The following LMTK3 variants were observed in gnomAD, a reference collection of about 807,000 sequenced individuals.
LMTK3 encodes lemur tail kinase 3.
In LMTK3, 27 loss-of-function variants were observed where a neutral mutation model predicts 116.7. That is an observed-to-expected ratio of 0.23 (90% CI 0.17 to 0.32). The LOEUF is 0.32. Among genes scored for constraint, LMTK3 ranks in the 10% least tolerant of loss-of-function variants. LMTK3 has a pLI of 1.00. For synonymous variants in LMTK3, 965 were observed against 971.0 expected, an observed-to-expected ratio of 0.99 and a Z score of 0.11; for missense variants, 1,764 against 2,068.5, an observed-to-expected ratio of 0.85 and a Z score of 2.86.
chr19:48,504,933 C>T (rs1315861169), intron 5 of LMTK3, among the ~76,000 whole-genome samples: 1 of 151,952 alleles, frequency 6.6e-6, no homozygotes, highest in Non-Finnish European at 1.5e-5. Context: ...CCTGCTGTTC[C>T]TTCTGCCTGG....
chr19:48,496,316 T>C (rs1304016372), intron 11 of LMTK3, among the ~76,000 whole-genome samples: 1 of 148,900 alleles, frequency 6.7e-6, no homozygotes, highest in Admixed American at 6.7e-5. Flanking sequence ...TTTTTTTTTC[T>C]GAGACAGAGT....
At chr19:48,512,459 TC>T (rs1168729342), upstream of LMTK3, among the ~76,000 whole-genome samples, 3 of 151,948 alleles carry the variant, frequency 2.0e-5, no homozygotes, top group Admixed American at 1.3e-4. Context: ...ACACTCATAG[TC>T]ACAGCCACGC....
In LMTK3 at chr19:48,502,889, C is replaced by A; in HGVS notation, c.645+20G>T. 6.3e-7 allele frequency: 1 copy of A among 1,593,770 alleles called. No homozygotes were observed. Among genetic ancestry groups the A allele is most frequent in the Non-Finnish European group, 8.6e-7 (1 of 1,164,614 alleles). ...TCCAGCTGCCCCCTCTGCCCTTCCC[C>A]AACCCCCCAAGACCCTCACCAGTTG... is the stretch of plus-strand genomic sequence containing the variant. On this transcript the variant is annotated intron_variant, in intron 6 of 14. Transcript: ENST00000600059.
intron 14 of LMTK3, among the ~76,000 whole-genome samples, chr19:48,489,222 C>T (rs528272067): frequency 7.2e-5 from 11 of 152,240 alleles, no homozygotes; most frequent in Middle Eastern, 3.4e-3. Context: ...GGCGCCTGCA[C>T]GCAGAAGATG....
In LMTK3 at chr19:48,499,967, AAG is replaced by A. The variant is rs1213649432; in HGVS notation, c.1152-52_1152-51del. ...GCAGGGCAGAGACCCAGGGAGGGGA[AAG>A]AGACCCAGGGAGGGGACAGACAACC... On this transcript the variant is annotated intron_variant, in intron 10 of 14. Transcript: ENST00000600059. 3 of 1,508,708 alleles carry A rather than the reference AAG, an allele frequency of 2.0e-6. No homozygotes were observed. In the South Asian group the frequency reaches 3.9e-5, roughly 20 times the overall value. 93.5% of individuals were successfully genotyped at this position (1,508,708 alleles called of 1,614,324 possible).
chr19:48,497,255 G>T lies in LMTK3; in HGVS notation c.3676+138C>A. 2 of 955,292 alleles carry T rather than the reference G, an allele frequency of 2.1e-6. No individual in the cohort carries two copies. Among genetic ancestry groups the T allele is most frequent in the Non-Finnish European group, 2.8e-6 (2 of 716,378 alleles). 59.2% of individuals were successfully genotyped at this position (955,292 alleles called of 1,614,324 possible). ...GCTAGAGAGGGGGCTGAGCCACGAT[G>T]TGAGCCCAGGTGGTGCAGGCTTCAG... On this transcript the variant is annotated intron_variant, in intron 11 of 14. Coordinates refer to ENST00000600059, the MANE Select transcript of LMTK3 (RefSeq NM_001388485.1). The surrounding 1 kb of genome is among the most constrained non-coding windows in gnomAD (Gnocchi z 5.7).
At position 48,498,957 on chromosome 19, in the gene LMTK3, G is replaced by A. The variant is rs368551469; in HGVS notation, c.2112C>T (p.Pro704=). The part of the protein sequence containing the change: ...GHPALGCPHP[P]EDDSSLRAER... ...CTGCCCGCAGCGAGGAGTCGTCCTC[G>A]GGGGGGTGGGGGCAGCCAAGAGCAG... Residue 704 remains proline, a synonymous_variant, in exon 11 of 15, where the codon CCC becomes CCT. Coordinates refer to ENST00000600059, the MANE Select transcript of LMTK3 (RefSeq NM_001388485.1). 2,509 of 1,316,980 alleles carry A rather than the reference G, an allele frequency of 1.9e-3. 8 individuals are homozygous for A. Among genetic ancestry groups the A allele is most frequent in the Middle Eastern group, 5.9e-3 (21 of 3,586 alleles). 81.6% of individuals were successfully genotyped at this position (1,316,980 alleles called of 1,614,324 possible).
Position 48,502,498 on chromosome 19 carries a change from C to A in LMTK3, c.729G>T (p.Leu243=). ...GGGCGATCTCCAGGCCCATCCTCTG[C>A]AGCGTCCGCAGGTCTCGAGGGGGTA... The part of the protein sequence containing the change: ...PELPPRDLRT[L]QRMGLEIARG... Residue 243 remains leucine (L), a synonymous_variant, in exon 7 of 15, where the codon CTG becomes CTT. Coordinates refer to ENST00000600059, the MANE Select transcript of LMTK3 (RefSeq NM_001388485.1). The A allele has an allele frequency of 1.9e-6, 3 of 1,610,300 alleles. No homozygotes were observed. Among genetic ancestry groups the A allele is most frequent in the South Asian group, 1.1e-5 (1 of 90,916 alleles).
chr19:48,489,358 A>G (rs975418917), intron 14 of LMTK3, among the ~76,000 whole-genome samples: 2 of 152,138 alleles, frequency 1.3e-5, no homozygotes, highest in African/African-American at 4.8e-5. Context: ...AGATCGCCTG[A>G]GGTCTGGAGT....
chr19:48,485,960 G>A (rs972056732), intron 14 of LMTK3, among the ~76,000 whole-genome samples, 171 bp from the exon 15 acceptor site: 1 of 151,736 alleles, frequency 6.6e-6, no homozygotes, highest in East Asian at 1.9e-4. Context: ...CCAGCCACTG[G>A]GCCTCCTGCT....
chr19:48,486,376 T>C lies in LMTK3; in HGVS notation c.4367-587A>G, dbSNP rs1972125861. Reference sequence around the variant, plus strand: ...GCCCGGCCTTTTGGAACATTCTTCCTACGTGACTCAGGCCCCACCTGCAAC... The same window carrying C: ...GCCCGGCCTTTTGGAACATTCTTCCCACGTGACTCAGGCCCCACCTGCAAC... On this transcript the variant is annotated intron_variant, in intron 14 of 14. Coordinates refer to ENST00000600059, the MANE Select transcript of LMTK3 (RefSeq NM_001388485.1). Among the ~76,000 whole-genome samples the C allele has an allele frequency of 2.0e-5, 3 of 151,920 alleles. 1 individual carries two copies. The highest frequency in any genetic ancestry group is 4.2e-4 in the South Asian group (2 of 4,802).
chr19:48,497,950 G>T lies in LMTK3; in HGVS notation c.3119C>A (p.Ala1040Asp). 6.3e-7 allele frequency: 1 copy of T among 1,579,696 alleles called. No homozygotes were observed. Among genetic ancestry groups the T allele is most frequent in the Non-Finnish European group, 8.6e-7 (1 of 1,165,822 alleles). ...TGGGGCTGGCTCCCCGATCGTGGGG[G>T]CTGGACCCCAACTCTCGGGCGTCTT... is the stretch of plus-strand genomic sequence containing the variant. ...WEKTPESWGP[A>D]PTIGEPAPET... The change falls in exon 11 of 15, where the codon GCC becomes GAC. Residue 1040 changes from alanine (A) to aspartate (D), a missense_variant. Physicochemically the swap from Ala to Asp is moderately radical, Grantham distance 126. Around this residue, in one of 7 missense-constraint regions of LMTK3, gnomAD observed 1,028 missense variants for 1,050.6 expected, o/e 0.98. Transcript: ENST00000600059. The surrounding 1 kb of genome is among the most constrained non-coding windows in gnomAD (Gnocchi z 5.7).
In LMTK3 at chr19:48,508,933, C is replaced by T; in HGVS notation, c.475G>A (p.Ala159Thr). ...CGGAGCTCCTTCACCACCACCTGGG[C>T]GGGGGTGTAGTCGGAGAAAATCTCT... ...LGEIFSDYTP[A>T]QVVVKELRAS... The change falls in exon 5 of 15, where the codon GCC becomes ACC. Residue 159 changes from alanine (A) to threonine (T), a missense_variant. Transcript: ENST00000600059. 2 of 1,612,398 alleles carry T rather than the reference C, an allele frequency of 1.2e-6. No homozygotes were observed. The highest frequency in any genetic ancestry group is 1.3e-5 in the African/African-American group (1 of 74,970).
In LMTK3 at chr19:48,497,168, G is replaced by A. The variant is rs1972342256; in HGVS notation, c.3676+225C>T. On this transcript the variant is annotated intron_variant, in intron 11 of 14. Transcript: ENST00000600059. This position sits in a 1 kb window ranked among gnomAD's most constrained non-coding sequence, Gnocchi z 5.7. The stretch of plus-strand genomic sequence containing the variant: ...GACGTAGGTTCTATCCCTGCCATCC[G>A]TTTTTGGCAGATGGGTAAACTGAGG... 6.6e-6 allele frequency among the ~76,000 whole-genome samples: 1 copy of A among 152,188 alleles called. No homozygotes were observed. Among genetic ancestry groups the A allele is most frequent in the Non-Finnish European group, 1.5e-5 (1 of 68,024 alleles).
rs571367974 is a variant in LMTK3 at position 48,511,253 on chromosome 19, C to A, written c.76+248G>T. ...TTCCCCTTCTTCCTGCACACACCAG[C>A]ACAAACACATGCGTGCACGCATACA... On this transcript the variant is annotated intron_variant, in intron 1 of 14. Transcript: ENST00000600059. Among the ~76,000 whole-genome samples the A allele has an allele frequency of 1.7e-3, 255 of 152,368 alleles. 2 individuals carry two copies. Among genetic ancestry groups the A allele is most frequent in the African/African-American group, 5.6e-3 (234 of 41,588 alleles).
At chr19:48,501,656 C>T in intron 7 of LMTK3, 94 bp from the exon 8 acceptor site, 2 of 1,222,572 alleles carry the variant, frequency 1.6e-6, no homozygotes, top group South Asian at 2.7e-5. Flanking sequence ...CTCCCATGAC[C>T]CTGCCCCGCC....
rs752282020 is a variant in LMTK3, at chr19:48,508,861, G to C, written c.547C>G (p.Gln183Glu). 3.1e-6 allele frequency: 5 copies of C among 1,613,252 alleles called. No homozygotes were observed. The South Asian group carries it at 5.5e-5, about 18-fold the overall frequency. ...LEQRKFISEA[Q>E]PYRSLQHPNV... ...AGAAACCCTCAGTACCTGTACGGCT[G>C]TGCTTCCGAGATGAACTTGCGTTGC... The change falls in exon 5 of 15, where the codon CAG becomes GAG. Residue 183 changes from glutamine to glutamate, a missense_variant. Physicochemically the swap from Gln to Glu is conservative, Grantham distance 29 (BLOSUM62 2). Coordinates refer to ENST00000600059, the MANE Select transcript of LMTK3 (RefSeq NM_001388485.1).
At chr19:48,510,704 C>T (rs1351929035) in intron 1 of LMTK3, 112 bp from the exon 2 acceptor site, 2 of 1,269,008 alleles carry the variant, frequency 1.6e-6, no homozygotes, top group Non-Finnish European at 2.1e-6. Flanking sequence ...TGCTCTGCGA[C>T]CAGGGTCCCT....
intron 5 of LMTK3, among the ~76,000 whole-genome samples, chr19:48,503,479 C>A (rs959637253): frequency 6.6e-6 from 1 of 152,060 alleles, no homozygotes; most frequent in Admixed American, 6.5e-5. Flanking sequence ...TCCCCAGGGA[C>A]CCCTTTACCT....
Sources: allele counts gnomAD v4.1 joint callset (sites outside exome capture counted in the v4.1 genomes callset), GRCh38; gene constraint gnomAD v4.1.1; regional missense constraint gnomAD v4.1.1; non-coding constraint Gnocchi (gnomAD v3.1); transcripts MANE v1.5; gene names NCBI Gene and HGNC (gene_info 2026-07-23, HGNC 2026-07-21).